The following THUMPD1 variants were observed in gnomAD, a reference collection of about 807,000 sequenced individuals.
The protein encoded by THUMPD1 is THUMP domain-containing protein 1.
A neutral mutation model predicts 31.6 loss-of-function variants in THUMPD1; 31 were observed. The ratio of observed to expected loss-of-function variants is 0.98; its 90% CI spans 0.74 to 1.32. The LOEUF (loss-of-function observed/expected upper bound fraction) is 1.32. Ranked by LOEUF, THUMPD1 falls within the 40% of genes most tolerant of loss-of-function variation. The probability of loss-of-function intolerance (pLI) is 0.00; values close to 1 mark genes in which losing one functional copy is unlikely to be tolerated. For synonymous variants in THUMPD1, 166 were observed against 158.2 expected (o/e 1.05, Z -0.37); for missense variants, 446 against 427.8 (o/e 1.04, Z -0.38).
At chr16:20,738,513 T>C (rs1474176031) in intron 2 of THUMPD1, among the ~76,000 whole-genome samples, 3 of 152,142 alleles carry the variant, frequency 2.0e-5, no homozygotes, top group Non-Finnish European at 2.9e-5. Flanking sequence ...TGTAAATTAG[T>C]TGACCACACT....
rs2079845262 is a variant in THUMPD1, at chr16:20,733,700, A to G, written c.*3180T>C. The G allele has an allele frequency of 1.3e-5, 2 of 152,056 alleles. No homozygotes were observed. The highest frequency in any genetic ancestry group is 2.4e-5 in the African/African-American group (1 of 41,432). The allele number at this position is 152,056 out of a possible 1,614,324, so 9.4% of individuals were successfully genotyped here. A position where few individuals can be genotyped will look rare whatever the true frequency, so the allele number is the denominator to read the frequency against. Reference sequence around the variant, plus strand: ...CAAATTTATTTTGATTTTTCTGAAAATATCAGGAACTATGAAAAAACAAGC... The same window carrying G: ...CAAATTTATTTTGATTTTTCTGAAAGTATCAGGAACTATGAAAAAACAAGC... On this transcript the variant is annotated 3_prime_UTR_variant, in exon 4 of 4. Transcript: ENST00000396083.
intron 1 of THUMPD1, 124 bp downstream of exon 1, chr16:20,741,385 G>T: frequency 8.1e-7 from 1 of 1,229,034 alleles, no homozygotes; most frequent in Non-Finnish European, 1.1e-6. Context: ...GCGAGGCCAC[G>T]CCCCTACAGC....
At chr16:20,738,798 G>A (rs2079892343) in intron 2 of THUMPD1, 99 bp downstream of exon 2, 1 of 1,369,286 alleles carries the variant, frequency 7.3e-7, no homozygotes, top group South Asian at 1.3e-5. Flanking sequence ...ATGATTAACT[G>A]AGTCATGCCC....
Position 20,736,825 on chromosome 16 carries a change from G to C in THUMPD1, c.*55C>G, listed in dbSNP as rs2079873545. The C allele has an allele frequency of 6.4e-7, 1 of 1,557,232 alleles. No homozygotes were observed. The highest frequency in any genetic ancestry group is 1.4e-5 in the African/African-American group (1 of 72,782). ...AGTCACAATTTAAGGTGGAGCCCCA[G>C]CAACATCTCGTAGAGCCCCAGGTGA... On this transcript the variant is annotated 3_prime_UTR_variant, in exon 4 of 4. Transcript: ENST00000396083.
chr16:20,741,627 TGACGG>T lies in THUMPD1; in HGVS notation c.108_112del (p.Arg37AlafsTer51). 1.3e-6 allele frequency: 2 copies of T among 1,574,378 alleles called. No individual in the cohort carries two copies. Among genetic ancestry groups the T allele is most frequent in the Non-Finnish European group, 1.7e-6 (2 of 1,159,734 alleles). On this transcript the variant is annotated frameshift_variant, in exon 1 of 4. Coordinates refer to ENST00000396083, the MANE Select transcript of THUMPD1 (RefSeq NM_017736.5). LOFTEE classifies it high-confidence loss of function. ...GATGCCCTGTAGCCCGGGCTCTAGCTGACGGGGCCCGCCAGCGTCGCAGCGCCGAG... is the reference window on the plus strand; with the variant it reads ...GATGCCCTGTAGCCCGGGCTCTAGCTGGCCCGCCAGCGTCGCAGCGCCGAG...
chr16:20,737,730 T>C lies in THUMPD1; in HGVS notation c.633A>G (p.Glu211=), dbSNP rs772521265. 2 of 1,611,530 alleles carry C rather than the reference T, an allele frequency of 1.2e-6. No homozygotes were observed. The highest frequency in any genetic ancestry group is 1.1e-5 in the South Asian group (1 of 90,322). ...TACCTGCCAATTCTCTGATAACTTC[T>C]TCTCTATTCACATGACTGTTATTTC... is the stretch of plus-strand genomic sequence containing the variant. ...KSRNNSHVNR[E]EVIRELAGIV... The change falls in exon 3 of 4, where the codon GAA becomes GAG. Residue 211 remains glutamate, a synonymous_variant. Transcript: ENST00000396083.
intron 2 of THUMPD1, 197 bp from the exon 3 acceptor site, chr16:20,738,153 T>C (rs145483552): frequency 1.6e-4 from 110 of 668,046 alleles, no homozygotes; most frequent in Non-Finnish European, 2.7e-4. Flanking sequence ...TCTAATATAT[T>C]TTAACTTTTC....
chr16:20,737,639 AG>A (rs1158225877), intron 3 of THUMPD1, 68 bp downstream of exon 3: 1 of 1,494,668 alleles, frequency 6.7e-7, no homozygotes, highest in Non-Finnish European at 9.0e-7. Context: ...ATCTTTAAAA[AG>A]AAAAAAATCC....
intron 1 of THUMPD1, among the ~76,000 whole-genome samples, chr16:20,739,301 A>G (rs7198961): frequency 0.98 from 149,191 of 151,832 alleles, 73,321 homozygotes; most frequent in East Asian, 1. Context: ...TCAGCCTCCC[A>G]AGTAGCTGTG....
intron 1 of THUMPD1, among the ~76,000 whole-genome samples, chr16:20,740,380 G>A (rs2079906371): frequency 6.6e-6 from 1 of 152,234 alleles, no homozygotes; most frequent in South Asian, 2.1e-4. Context: ...CACCTTGGGT[G>A]ACAGAGCAAG....
At chr16:20,738,827 C>G in intron 2 of THUMPD1, 70 bp downstream of exon 2, 1 of 1,541,770 alleles carries the variant, frequency 6.5e-7, no homozygotes, top group Non-Finnish European at 8.8e-7. Context: ...ATTTTGTAAG[C>G]AGTATTCCCT....
chr16:20,737,253 A>G lies in THUMPD1; in HGVS notation c.689T>C (p.Val230Ala), dbSNP rs748347457. Residue 230 changes from valine (V) to alanine (A), a missense_variant, in exon 4 of 4, where the codon GTG becomes GCG. Physicochemically the swap from Val to Ala is moderately conservative, Grantham distance 64 (BLOSUM62 0). Coordinates refer to ENST00000396083, the MANE Select transcript of THUMPD1 (RefSeq NM_017736.5). ...TGTGTACTGTGGATTGGTGAGATCC[A>G]CTTTATTTTCTGAATTGAGGGTGCA... ...IVCTLNSENKVDLTNPQYTVV... is the reference protein window; with the variant it reads ...IVCTLNSENKADLTNPQYTVV... 3.7e-6 allele frequency: 6 copies of G among 1,613,748 alleles called. No individual in the cohort carries two copies. Among genetic ancestry groups the G allele is most frequent in the East Asian group, 2.2e-5 (1 of 44,876 alleles).
At chr16:20,738,447 G>A (rs528949995) in intron 2 of THUMPD1, among the ~76,000 whole-genome samples, 1 of 152,248 alleles carries the variant, frequency 6.6e-6, no homozygotes, top group African/African-American at 2.4e-5. Context: ...TGAAAGGGAG[G>A]TCCTCAGGCT....
intron 1 of THUMPD1, 28 bp downstream of exon 1, chr16:20,741,481 G>GGGGGGGGGGGGGGGGCCC: frequency 1.5e-6 from 2 of 1,308,414 alleles, no homozygotes; most frequent in Non-Finnish European, 2.0e-6. Flanking sequence ...CTGGCAGCCG[G>GGGGGGGGGGGGGGGGCCC]CCCGCCCGCC....
At chr16:20,737,403 T>C in intron 3 of THUMPD1, 117 bp from the exon 4 acceptor site, 2 of 1,010,064 alleles carry the variant, frequency 2.0e-6, no homozygotes, top group Non-Finnish European at 2.8e-6. Context: ...TCCACTCTTC[T>C]ATGTGGACTT....
chr16:20,737,411 C>T, intron 3 of THUMPD1, 125 bp from the exon 4 acceptor site: 1 of 967,902 alleles, frequency 1.0e-6, no homozygotes, highest in South Asian at 2.0e-5. Flanking sequence ...TCTATGTGGA[C>T]TTCAAATAAT....
At chr16:20,741,380 G>GC in intron 1 of THUMPD1, 129 bp downstream of exon 1, 1 of 1,193,430 alleles carries the variant, frequency 8.4e-7, no homozygotes, top group Non-Finnish European at 1.1e-6. Context: ...CGCCGGCGAG[G>GC]CCACGCCCCT....
At position 20,741,609 on chromosome 16, in the gene THUMPD1, T is replaced by C. The variant is rs1271448072; in HGVS notation, c.131A>G (p.Gln44Arg). The C allele has an allele frequency of 8.3e-6, 13 of 1,573,856 alleles. No individual in the cohort carries two copies. Among genetic ancestry groups the C allele is most frequent in the South Asian group, 3.5e-5 (3 of 86,166 alleles). Residue 44 changes from glutamine to arginine, a missense_variant, in exon 1 of 4, where the codon CAG becomes CGG. Gln to Arg is a conservative substitution (Grantham distance 43, BLOSUM62 1). Coordinates refer to ENST00000396083, the MANE Select transcript of THUMPD1 (RefSeq NM_017736.5). ...CATATTGCAGGTGATGAGGATGCCC[T>C]GTAGCCCGGGCTCTAGCTGACGGGG... ...GGPRQLEPGL[Q>R]GILITCNMNE...
chr16:20,737,074 C>T lies in THUMPD1; in HGVS notation c.868G>A (p.Glu290Lys), dbSNP rs1400821669. ...KQGNGKEAKL[E>K]SADKSDQNNT... ...TTTTGGTCTGATTTGTCCGCAGATT[C>T]CAGTTTAGCTTCTTTCCCATTTCCC... is the stretch of plus-strand genomic sequence containing the variant. The change falls in exon 4 of 4, where the codon GAA (glutamate) becomes AAA (lysine). Residue 290 changes from glutamate (E) to lysine (K), a missense_variant. Glu to Lys is a moderately conservative substitution (Grantham distance 56). Coordinates refer to ENST00000396083, the MANE Select transcript of THUMPD1 (RefSeq NM_017736.5). 2 of 1,614,138 alleles carry T rather than the reference C, an allele frequency of 1.2e-6. No individual in the cohort carries two copies. The highest frequency in any genetic ancestry group is 8.5e-7 in the Non-Finnish European group (1 of 1,180,022).
Sources: gnomAD v4.1 joint callset for allele counts (sites outside exome capture counted in the v4.1 genomes callset) on GRCh38, gnomAD v4.1.1 for gene constraint, MANE v1.5 for transcripts, NCBI Gene and HGNC (gene_info 2026-07-23, HGNC 2026-07-21) for gene names.